Variants in FGD4 observed in about 807,000 individuals in gnomAD.
The protein encoded by FGD4 is FYVE, RhoGEF and PH domain containing 4.
Under a neutral mutation model 102.0 loss-of-function variants are expected in FGD4, and 42 were observed. The ratio of observed to expected loss-of-function variants is 0.41; its 90% CI spans 0.32 to 0.53. The LOEUF (loss-of-function observed/expected upper bound fraction) is 0.53. Among genes scored for constraint, FGD4 ranks in the 20% least tolerant of loss-of-function variants. The probability of loss-of-function intolerance (pLI) is 0.21; values close to 1 mark genes in which losing one functional copy is unlikely to be tolerated. For synonymous variants in FGD4, 380 were observed against 375.7 expected (o/e 1.01, Z -0.13); for missense variants, 902 against 1,078.2 (o/e 0.84, Z 2.29).
intron 1 of FGD4, among the ~76,000 whole-genome samples, chr12:32,482,345 A>G (rs145418628): frequency 1.3e-4 from 20 of 152,300 alleles, no homozygotes; most frequent in African/African-American, 4.3e-4. Flanking sequence ...TGAATATCCC[A>G]TGCTTCTTGT....
intron 1 of FGD4, among the ~76,000 whole-genome samples, chr12:32,432,238 T>G (rs913942420): frequency 1.3e-5 from 2 of 151,726 alleles, no homozygotes; most frequent in Non-Finnish European, 2.9e-5. Flanking sequence ...TTTTTGTATT[T>G]TTTAGTAAAG....
At chr12:32,408,365 C>T (rs1307455180) in intron 1 of FGD4, among the ~76,000 whole-genome samples, 1 of 152,020 alleles carries the variant, frequency 6.6e-6, no homozygotes, top group African/African-American at 2.4e-5. Flanking sequence ...ACGGGGTTTC[C>T]CCATGTTGGT....
chr12:32,484,093 C>T (rs1195592491), intron 1 of FGD4, among the ~76,000 whole-genome samples: 2 of 151,942 alleles, frequency 1.3e-5, no homozygotes, highest in East Asian at 1.9e-4. Context: ...AAAAAAAATC[C>T]GTTGGGAGCT....
Position 32,571,182 on chromosome 12 carries a change from C to T in FGD4, c.320-5084C>T, listed in dbSNP as rs569777011. Among the ~76,000 whole-genome samples, 9 of 152,208 alleles carry T rather than the reference C, an allele frequency of 5.9e-5. No individual in the cohort carries two copies. In the East Asian group the frequency reaches 1.4e-3, roughly 23 times the overall value. On this transcript the variant is annotated intron_variant, in intron 2 of 16. Coordinates refer to ENST00000534526, the MANE Select transcript of FGD4 (RefSeq NM_001370298.3). ...CTTAAGAGTTGAATGTGGCTGGGCA[C>T]GGTGGCTCACGCCTGTAATCCTTGC... is the stretch of plus-strand genomic sequence containing the variant.
At chr12:32,420,486 T>C (rs1202092671) in intron 1 of FGD4, among the ~76,000 whole-genome samples, 1 of 152,138 alleles carries the variant, frequency 6.6e-6, no homozygotes, top group African/African-American at 2.4e-5. Context: ...ACCCCAGTTT[T>C]ATGTTTAGAA....
intron 1 of FGD4, chr12:32,557,033 A>C (rs1202765223): frequency 1.3e-5 from 2 of 152,022 alleles, no homozygotes; most frequent in Non-Finnish European, 2.9e-5. Context: ...TTGTATTTTT[A>C]GTAGAAACTG....
At position 32,453,235 on chromosome 12, in the gene FGD4, ATATTTT is replaced by A. The variant is rs1341623887; in HGVS notation, c.166+53278_166+53283del. 1.0e-3 allele frequency among the ~76,000 whole-genome samples: 52 copies of A among 49,774 alleles called. 4 individuals carry two copies. In the South Asian group the frequency reaches 0.017, roughly 17 times the overall value. The allele number at this position is 49,774 out of a possible 152,430, so 32.7% of individuals were successfully genotyped here. ...ATATATATATAATATAGATATATATATATTTTTTTTTTTTTAAATGTAGAGCCTCAC... is the reference window on the plus strand; with the variant it reads ...ATATATATATAATATAGATATATATATTTTTTTTTAAATGTAGAGCCTCAC... On this transcript the variant is annotated intron_variant, in intron 1 of 16. Coordinates refer to ENST00000534526, the MANE Select transcript of FGD4 (RefSeq NM_001370298.3).
At chr12:32,429,491 G>A (rs1941973976) in intron 1 of FGD4, among the ~76,000 whole-genome samples, 1 of 152,358 alleles carries the variant, frequency 6.6e-6, no homozygotes, top group Non-Finnish European at 1.5e-5. Flanking sequence ...CTCCCAATCA[G>A]GAGGCACGGG....
intron 11 of FGD4, among the ~76,000 whole-genome samples, chr12:32,623,312 TGTG>T (rs1949955225): frequency 6.6e-6 from 1 of 152,028 alleles, no homozygotes; most frequent in Admixed American, 6.6e-5. Context: ...GCAACAGAAA[TGTG>T]GTGGCAAGGC....
chr12:32,557,004 C>A (rs1219096385), intron 1 of FGD4: 1 of 152,190 alleles, frequency 6.6e-6, no homozygotes, highest in Admixed American at 6.5e-5. Flanking sequence ...AGGTACCCAC[C>A]ATCATGACCA....
In FGD4 at chr12:32,506,657, T is replaced by TA. The variant is rs763252725; in HGVS notation, c.167-57478dup. ...CCTTGCCCAGGACCACCCCACCCCC[T>TA]AAGGAGACATTCACTGTCTTCATTG... On this transcript the variant is annotated intron_variant, in intron 1 of 16. Coordinates refer to ENST00000534526, the MANE Select transcript of FGD4 (RefSeq NM_001370298.3). The surrounding 1 kb of genome is among the most constrained non-coding windows in gnomAD (Gnocchi z 4.5). Among the ~76,000 whole-genome samples the TA allele has an allele frequency of 1.4e-4, 21 of 152,130 alleles. No homozygotes were observed. Among genetic ancestry groups the TA allele is most frequent in the Non-Finnish European group, 2.9e-4 (20 of 68,030 alleles).
At chr12:32,412,163 A>G (rs1941236549) in intron 1 of FGD4, among the ~76,000 whole-genome samples, 1 of 152,200 alleles carries the variant, frequency 6.6e-6, no homozygotes, top group Non-Finnish European at 1.5e-5. Context: ...TGGAGAATGA[A>G]TGGATGAGGG....
At chr12:32,428,265 C>CA (rs779133302) in intron 1 of FGD4, among the ~76,000 whole-genome samples, 37 of 152,262 alleles carry the variant, frequency 2.4e-4, no homozygotes, top group Middle Eastern at 3.4e-3. Flanking sequence ...CTGGTGGTGA[C>CA]AAAATCTCTC....
chr12:32,485,361 A>G (rs539159287), intron 1 of FGD4, among the ~76,000 whole-genome samples: 39 of 151,882 alleles, frequency 2.6e-4, no homozygotes, highest in African/African-American at 9.2e-4. Context: ...CAGTTTCACT[A>G]TTCAGCATTG....
intron 1 of FGD4, among the ~76,000 whole-genome samples, chr12:32,515,294 G>A (rs1403787174): frequency 1.3e-5 from 2 of 152,176 alleles, no homozygotes; most frequent in African/African-American, 2.4e-5. Flanking sequence ...AAATCTTGTG[G>A]TTCTTGCTCC....
intron 1 of FGD4, among the ~76,000 whole-genome samples, chr12:32,479,286 G>C (rs1943659721): frequency 6.6e-6 from 1 of 151,978 alleles, no homozygotes; most frequent in East Asian, 1.9e-4. Flanking sequence ...ATATTTAATA[G>C]GACCTTGTTT....
chr12:32,525,391 A>G (rs573554912), intron 1 of FGD4, among the ~76,000 whole-genome samples: 13 of 152,338 alleles, frequency 8.5e-5, no homozygotes, highest in African/African-American at 3.1e-4. Context: ...AGTATATACT[A>G]TATGTAACTG....
At chr12:32,464,399 C>T (rs1943196680) in intron 1 of FGD4, among the ~76,000 whole-genome samples, 1 of 152,100 alleles carries the variant, frequency 6.6e-6, no homozygotes, top group African/African-American at 2.4e-5. Flanking sequence ...GCAATCCGCC[C>T]ACCTCGGTCT....
chr12:32,403,877 G>A (rs1281483513), intron 1 of FGD4, among the ~76,000 whole-genome samples: 1 of 152,034 alleles, frequency 6.6e-6, no homozygotes, highest in African/African-American at 2.4e-5. Flanking sequence ...TTACAGGTGT[G>A]AGCCATCGTG....
Sources: allele counts gnomAD v4.1 joint callset (sites outside exome capture counted in the v4.1 genomes callset), GRCh38; gene constraint gnomAD v4.1.1; non-coding constraint Gnocchi (gnomAD v3.1); transcripts MANE v1.5; gene names NCBI Gene and HGNC (gene_info 2026-07-23, HGNC 2026-07-21).